The following AGO2 variants were observed in gnomAD, a reference collection of about 807,000 sequenced individuals.
AGO2 encodes the protein protein argonaute-2.
Under a neutral mutation model 102.3 loss-of-function variants are expected in AGO2, and 5 were observed. The observed-to-expected ratio is 0.05, with a 90% confidence interval of 0.03 to 0.10. AGO2 has a LOEUF of 0.10. Among genes scored for constraint, AGO2 ranks in the 10% least tolerant of loss-of-function variants. The probability of loss-of-function intolerance (pLI) is 1.00; values close to 1 mark genes in which losing one functional copy is unlikely to be tolerated. For missense variants in AGO2, 541 were observed against 1,183.7 expected (o/e 0.46, Z 7.97); for synonymous variants, 449 against 473.1 (o/e 0.95, Z 0.66).
At chr8:140,609,337 C>T (rs1424268801) in intron 1 of AGO2, among the ~76,000 whole-genome samples, 3 of 152,244 alleles carry the variant, frequency 2.0e-5, no homozygotes, top group Non-Finnish European at 4.4e-5. Context: ...GGTGGGCGGG[C>T]AGTGGCCTGC....
intron 1 of AGO2, among the ~76,000 whole-genome samples, chr8:140,593,740 C>T (rs1362652780): frequency 3.3e-5 from 5 of 152,000 alleles, no homozygotes; most frequent in African/African-American, 9.7e-5. Flanking sequence ...AAATCAGCTC[C>T]TTTAATCCTT....
intron 12 of AGO2, 51 bp downstream of exon 12, chr8:140,549,063 C>T (rs773951436): frequency 6.5e-7 from 1 of 1,544,588 alleles, no homozygotes; most frequent in East Asian, 2.3e-5. Context: ...GAACAAACAC[C>T]CACGGAGACC....
chr8:140,547,259 G>C (rs1189160266), intron 13 of AGO2, among the ~76,000 whole-genome samples: 5 of 152,222 alleles, frequency 3.3e-5, no homozygotes, highest in African/African-American at 1.2e-4. Context: ...CCCGGCCACA[G>C]TGCTCAAACT....
intron 1 of AGO2, among the ~76,000 whole-genome samples, chr8:140,620,063 C>T (rs1266260952): frequency 6.6e-6 from 1 of 152,152 alleles, no homozygotes. Flanking sequence ...GAGCATCTTG[C>T]AGGTTCCAGG....
intron 1 of AGO2, among the ~76,000 whole-genome samples, chr8:140,631,317 A>G (rs1314851441): frequency 6.6e-6 from 1 of 152,134 alleles, no homozygotes; most frequent in African/African-American, 2.4e-5. Context: ...CGAGGCAGGT[A>G]GATCACCTGA....
rs2132824621 is a variant in AGO2, at chr8:140,520,687, G to A, written c.*11357C>T. 1 of 94,698 alleles carries A rather than the reference G, an allele frequency of 1.1e-5. No homozygotes were observed. Among genetic ancestry groups the A allele is most frequent in the East Asian group, 4.2e-4 (1 of 2,354 alleles). 5.9% of individuals were successfully genotyped at this position (94,698 alleles called of 1,614,324 possible). On this transcript the variant is annotated 3_prime_UTR_variant, in exon 19 of 19. Transcript: ENST00000220592. ...CTTCCTCAATCGCAATTTTTCTGAG[G>A]TCTGTGTTGGGGGAAAAAAAAAAAG...
chr8:140,594,208 G>T (rs1039512158), intron 1 of AGO2, among the ~76,000 whole-genome samples: 1 of 152,112 alleles, frequency 6.6e-6, no homozygotes, highest in Non-Finnish European at 1.5e-5. Flanking sequence ...GGCTGGAGGG[G>T]GCTTGCCAGT....
At chr8:140,582,464 A>AATAC (rs1296843758) in intron 2 of AGO2, among the ~76,000 whole-genome samples, 1 of 152,212 alleles carries the variant, frequency 6.6e-6, no homozygotes, top group Non-Finnish European at 1.5e-5. Flanking sequence ...CCAAAATTCA[A>AATAC]ATAAATAAAT....
rs979723819 is a variant in AGO2, at chr8:140,520,833, AAC to A, written c.*11209_*11210del. 1 of 152,224 alleles carries A rather than the reference AAC, an allele frequency of 6.6e-6. No individual in the cohort carries two copies. The highest frequency in any genetic ancestry group is 1.5e-5 in the Non-Finnish European group (1 of 68,046). The allele number at this position is 152,224 out of a possible 1,614,324, so 9.4% of individuals were successfully genotyped here. On this transcript the variant is annotated 3_prime_UTR_variant, in exon 19 of 19. Transcript: ENST00000220592. ...TTCAGAACATTATTGTCTGCTTATA[AAC>A]ACAGTGTCTGCCTCCTCAGGTGTAT...
chr8:140,530,077 T>C lies in AGO2; in HGVS notation c.*1967A>G, dbSNP rs1256232765. 1 of 134,484 alleles carries C rather than the reference T, an allele frequency of 7.4e-6. No homozygotes were observed. Among genetic ancestry groups the C allele is most frequent in the Non-Finnish European group, 1.5e-5 (1 of 65,792 alleles). The allele number at this position is 134,484 out of a possible 1,614,324, so 8.3% of individuals were successfully genotyped here. On this transcript the variant is annotated 3_prime_UTR_variant, in exon 19 of 19. Coordinates refer to ENST00000220592, the MANE Select transcript of AGO2 (RefSeq NM_012154.5). ...TTTCTTAGAGTGGGAGCTTCTGTCA[T>C]TTAAAAAGATTAAAAAAAAATACAG...
At chr8:140,613,298 A>C (rs938707585) in intron 1 of AGO2, among the ~76,000 whole-genome samples, 3 of 152,216 alleles carry the variant, frequency 2.0e-5, no homozygotes, top group Non-Finnish European at 2.9e-5. Flanking sequence ...GACCTTAAGG[A>C]GATTTAGGAA....
At chr8:140,636,920 A>G (rs1452865847), upstream of AGO2, 3 of 152,300 alleles carry the variant, frequency 2.0e-5, no homozygotes, top group East Asian at 1.9e-4. Context: ...CTAGCCATTC[A>G]CAAAAATTCC....
At chr8:140,552,602 C>T (rs1181008166) in intron 10 of AGO2, among the ~76,000 whole-genome samples, 3 of 152,168 alleles carry the variant, frequency 2.0e-5, no homozygotes, top group African/African-American at 7.2e-5. Context: ...ATTTTTATAA[C>T]TACTGCCTGT....
intron 2 of AGO2, among the ~76,000 whole-genome samples, chr8:140,575,308 C>A (rs1281996699): frequency 6.6e-6 from 1 of 151,286 alleles, no homozygotes; most frequent in Non-Finnish European, 1.5e-5. Flanking sequence ...ACAATCTCAC[C>A]TGGCACCTCC....
rs57519641 is a variant in AGO2 at position 140,543,248 on chromosome 8, G to C, written c.1839+965C>G. ...CAAAGTGAGCAGCGGTATATGCGTG[G>C]GAGTGGTGGGGTTGTGATTATCGGG... On this transcript the variant is annotated intron_variant, in intron 14 of 18. Coordinates refer to ENST00000220592, the MANE Select transcript of AGO2 (RefSeq NM_012154.5). Among the ~76,000 whole-genome samples the C allele has an allele frequency of 5.3e-3, 813 of 152,266 alleles. 8 individuals carry two copies. Among genetic ancestry groups the C allele is most frequent in the African/African-American group, 0.019 (773 of 41,552 alleles).
chr8:140,619,890 C>A (rs573479537), intron 1 of AGO2, among the ~76,000 whole-genome samples: 9 of 152,248 alleles, frequency 5.9e-5, no homozygotes, highest in African/African-American at 2.2e-4. Flanking sequence ...TTAACATGAA[C>A]GCGGGGGATA....
intron 3 of AGO2, among the ~76,000 whole-genome samples, chr8:140,566,404 A>G (rs576632876): frequency 5.9e-5 from 9 of 152,354 alleles, no homozygotes; most frequent in African/African-American, 2.2e-4. Flanking sequence ...AACAGCATGA[A>G]AATTGGCTAA....
At chr8:140,638,527 GA>G (rs2074423858), upstream of AGO2, among the ~76,000 whole-genome samples, 1 of 152,162 alleles carries the variant, frequency 6.6e-6, no homozygotes, top group Admixed American at 6.6e-5. Flanking sequence ...CATAATTTAG[GA>G]AACACAGAGG....
intron 1 of AGO2, among the ~76,000 whole-genome samples, chr8:140,610,730 A>C (rs1388920807): frequency 6.6e-6 from 1 of 152,146 alleles, no homozygotes; most frequent in Non-Finnish European, 1.5e-5. Context: ...CTGTCTCTGC[A>C]CCAGAGGGGT....
Sources: gnomAD v4.1 joint callset for allele counts (sites outside exome capture counted in the v4.1 genomes callset) on GRCh38, gnomAD v4.1.1 for gene constraint, MANE v1.5 for transcripts, NCBI Gene and HGNC (gene_info 2026-07-23, HGNC 2026-07-21) for gene names.